The following CCSER1 variants were observed in gnomAD, a reference collection of about 807,000 sequenced individuals.
The protein encoded by CCSER1 is serine-rich coiled-coil domain-containing protein 1.
Under a neutral mutation model 82.0 loss-of-function variants are expected in CCSER1, and 41 were observed. The ratio of observed to expected loss-of-function variants is 0.50; its 90% CI spans 0.39 to 0.65. CCSER1 has a LOEUF of 0.65. Among genes scored for constraint, CCSER1 ranks in the 30% least tolerant of loss-of-function variants. CCSER1 has a pLI of 0.00. For missense variants in CCSER1, 1,119 were observed against 1,064.2 expected (o/e 1.05, Z -0.72); for synonymous variants, 414 against 383.9 (o/e 1.08, Z -0.92).
At chr4:91,418,354 A>T (rs1753502410) in intron 10 of CCSER1, among the ~76,000 whole-genome samples, 1 of 151,518 alleles carries the variant, frequency 6.6e-6, no homozygotes, top group Non-Finnish European at 1.5e-5. Flanking sequence ...TAACCAAGAA[A>T]AAGAGTGAGA....
chr4:90,782,957 G>A (rs182306762), intron 7 of CCSER1, among the ~76,000 whole-genome samples: 7 of 148,496 alleles, frequency 4.7e-5, no homozygotes, highest in South Asian at 2.2e-4. Context: ...GTTTTGAGAC[G>A]GAGTCTCGCT....
intron 9 of CCSER1, among the ~76,000 whole-genome samples, chr4:90,961,912 A>G (rs1734087026): frequency 6.6e-6 from 1 of 152,118 alleles, no homozygotes; most frequent in Non-Finnish European, 1.5e-5. Flanking sequence ...GCCTGATGGC[A>G]CCAACAGAAA....
chr4:90,940,807 G>T (rs1259890006), intron 9 of CCSER1, among the ~76,000 whole-genome samples: 1 of 152,060 alleles, frequency 6.6e-6, no homozygotes, highest in Non-Finnish European at 1.5e-5. Context: ...TGAAGAAGTC[G>T]AGTAACTTTC....
At chr4:91,091,472 A>G (rs1174520333) in intron 10 of CCSER1, among the ~76,000 whole-genome samples, 1 of 152,232 alleles carries the variant, frequency 6.6e-6, no homozygotes, top group East Asian at 1.9e-4. Context: ...GACCTGATAT[A>G]TGCACTGAAA....
intron 4 of CCSER1, among the ~76,000 whole-genome samples, chr4:90,407,668 C>T (rs1484266015): frequency 1.3e-5 from 2 of 152,114 alleles, no homozygotes; most frequent in African/African-American, 4.8e-5. Context: ...GCCAAGATGG[C>T]CGAATAGGAA....
At chr4:90,525,560 T>G (rs554212365) in intron 5 of CCSER1, among the ~76,000 whole-genome samples, 46 of 152,290 alleles carry the variant, frequency 3.0e-4, no homozygotes, top group African/African-American at 1.1e-3. Flanking sequence ...AATAATTTGA[T>G]TATTATTGTA....
chr4:91,437,527 G>C (rs138177563), intron 10 of CCSER1, among the ~76,000 whole-genome samples: 1 of 152,148 alleles, frequency 6.6e-6, no homozygotes, highest in South Asian at 2.1e-4. Flanking sequence ...GAACAGCTCC[G>C]GTCTACAGCT....
intron 3 of CCSER1, among the ~76,000 whole-genome samples, chr4:90,388,817 G>T (rs377367487): frequency 6.7e-6 from 1 of 150,234 alleles, no homozygotes; most frequent in African/African-American, 2.5e-5. Flanking sequence ...TGTATTTTTG[G>T]TAGAGACTGG....
intron 10 of CCSER1, among the ~76,000 whole-genome samples, chr4:91,216,611 C>T (rs1164058654): frequency 2.0e-5 from 3 of 152,158 alleles, no homozygotes; most frequent in Admixed American, 6.5e-5. Context: ...TGAGCCACTG[C>T]GCCAGGCCTA....
At chr4:91,413,508 A>G (rs930594878) in intron 10 of CCSER1, among the ~76,000 whole-genome samples, 5 of 151,894 alleles carry the variant, frequency 3.3e-5, no homozygotes, top group African/African-American at 1.2e-4. Flanking sequence ...ACAACAACAA[A>G]AAAAAACAAA....
intron 10 of CCSER1, among the ~76,000 whole-genome samples, chr4:91,258,558 A>C (rs1156333133): frequency 6.6e-6 from 1 of 152,100 alleles, no homozygotes; most frequent in Non-Finnish European, 1.5e-5. Flanking sequence ...TGTCACTGCA[A>C]TTCTGTGACA....
At chr4:91,265,795 A>G (rs1173675164) in intron 10 of CCSER1, among the ~76,000 whole-genome samples, 1 of 152,214 alleles carries the variant, frequency 6.6e-6, no homozygotes, top group African/African-American at 2.4e-5. Context: ...ACACTGAAAA[A>G]TTTTGGGAAA....
chr4:90,832,204 T>A (rs572847638), intron 8 of CCSER1, among the ~76,000 whole-genome samples: 2 of 152,136 alleles, frequency 1.3e-5, no homozygotes, highest in Non-Finnish European at 2.9e-5. Context: ...AAAATAAAAA[T>A]TTAATAGATT....
chr4:90,832,492 G>C (rs1761250515), intron 8 of CCSER1, among the ~76,000 whole-genome samples: 1 of 151,930 alleles, frequency 6.6e-6, no homozygotes, highest in Admixed American at 6.6e-5. Context: ...TTTTTTTAAT[G>C]TTTGATGATC....
chr4:91,599,878 C>T lies in CCSER1; in HGVS notation c.*821C>T, dbSNP rs1439733023. 1 of 152,118 alleles carries T rather than the reference C, an allele frequency of 6.6e-6. No individual in the cohort carries two copies. The highest frequency in any genetic ancestry group is 2.4e-5 in the African/African-American group (1 of 41,442). 9.4% of individuals were successfully genotyped at this position (152,118 alleles called of 1,614,324 possible). A position where few individuals can be genotyped will look rare whatever the true frequency, so the allele number is the denominator to read the frequency against. On this transcript the variant is annotated 3_prime_UTR_variant, in exon 11 of 11. Coordinates refer to ENST00000509176, the MANE Select transcript of CCSER1 (RefSeq NM_001145065.2). ...CATGCTATATTCTTTGAGCCACTGT[C>T]ATGGCAATATAAACATTTTTTCAAA...
intron 5 of CCSER1, among the ~76,000 whole-genome samples, chr4:90,608,689 G>A (rs757945635): frequency 3.3e-5 from 5 of 151,994 alleles, no homozygotes; most frequent in Non-Finnish European, 7.4e-5. Context: ...AAATATTAAT[G>A]TTTCCATTAA....
At chr4:91,468,004 A>G (rs1343088337) in intron 10 of CCSER1, among the ~76,000 whole-genome samples, 1 of 152,204 alleles carries the variant, frequency 6.6e-6, no homozygotes, top group Non-Finnish European at 1.5e-5. Flanking sequence ...ATTACTGGGT[A>G]TATACCCAAA....
chr4:91,280,386 TG>T (rs1742823997), intron 10 of CCSER1, among the ~76,000 whole-genome samples: 2 of 152,100 alleles, frequency 1.3e-5, no homozygotes, highest in Non-Finnish European at 2.9e-5. Flanking sequence ...CCACTGTTAG[TG>T]GTGATTGCAG....
intron 10 of CCSER1, among the ~76,000 whole-genome samples, chr4:91,180,805 G>A (rs1346596927): frequency 2.6e-5 from 4 of 152,186 alleles, no homozygotes; most frequent in African/African-American, 9.7e-5. Flanking sequence ...TCAGAGCTGA[G>A]AGCCCCTAAC....
Sources: gnomAD v4.1 joint callset for allele counts (sites outside exome capture counted in the v4.1 genomes callset) on GRCh38, gnomAD v4.1.1 for gene constraint, MANE v1.5 for transcripts, NCBI Gene and HGNC (gene_info 2026-07-23, HGNC 2026-07-21) for gene names.